The following ATRNL1 variants were observed in gnomAD, a reference collection of about 807,000 sequenced individuals.
ATRNL1 encodes the protein attractin like 1, also known as attractin-like protein 1.
In ATRNL1, 95 loss-of-function variants were observed where a neutral mutation model predicts 182.7. That is an observed-to-expected ratio of 0.52 (90% CI 0.44 to 0.62). The LOEUF is 0.62. Among genes scored for constraint, ATRNL1 ranks in the 20% least tolerant of loss-of-function variants. ATRNL1 has a pLI of 0.00. For missense variants in ATRNL1, 1,471 were observed against 1,679.5 expected, an observed-to-expected ratio of 0.88 and a Z score of 2.17; for synonymous variants, 576 against 568.3, an observed-to-expected ratio of 1.01 and a Z score of -0.19.
At chr10:115,187,131 G>A (rs2144203493) in intron 8 of ATRNL1, among the ~76,000 whole-genome samples, 1 of 151,614 alleles carries the variant, frequency 6.6e-6, no homozygotes, top group South Asian at 2.1e-4. Context: ...TATTGGTGAG[G>A]ATGTGGAAAA....
chr10:115,679,868 CT>C (rs1555044136), intron 26 of ATRNL1, among the ~76,000 whole-genome samples: 3 of 152,050 alleles, frequency 2.0e-5, no homozygotes, highest in Non-Finnish European at 4.4e-5. Context: ...ACTGACATTA[CT>C]TTTTGATTAA....
At chr10:115,177,875 T>G (rs1554887062) in intron 8 of ATRNL1, among the ~76,000 whole-genome samples, 3 of 147,190 alleles carry the variant, frequency 2.0e-5, no homozygotes, top group African/African-American at 5.0e-5. Context: ...GGAGCTGTGT[T>G]TTTTTTTTTT....
chr10:115,295,217 G>A (rs1346968133), intron 15 of ATRNL1, among the ~76,000 whole-genome samples: 1 of 152,114 alleles, frequency 6.6e-6, no homozygotes, highest in Non-Finnish European at 1.5e-5. Context: ...CTGCTTGGCT[G>A]TCCTGGGGGC....
At chr10:115,890,063 G>C (rs1476821984) in intron 28 of ATRNL1, among the ~76,000 whole-genome samples, 1 of 152,116 alleles carries the variant, frequency 6.6e-6, no homozygotes, top group Non-Finnish European at 1.5e-5. Flanking sequence ...ATATATGTTT[G>C]CACAGATAAG....
chr10:115,333,459 T>C (rs115508711), intron 18 of ATRNL1, among the ~76,000 whole-genome samples: 1,954 of 151,610 alleles, frequency 0.013, 38 homozygotes, highest in African/African-American at 0.044. Flanking sequence ...AGAAGATACA[T>C]ATTTATGCAA....
At chr10:115,698,385 G>A (rs781876334) in intron 26 of ATRNL1, among the ~76,000 whole-genome samples, 2 of 152,056 alleles carry the variant, frequency 1.3e-5, no homozygotes, top group African/African-American at 4.8e-5. Context: ...TAAGGACAGG[G>A]GAAATCATGA....
intron 26 of ATRNL1, among the ~76,000 whole-genome samples, chr10:115,705,883 TG>T (rs2134006166): frequency 6.6e-6 from 1 of 152,132 alleles, no homozygotes; most frequent in African/African-American, 2.4e-5. Flanking sequence ...AAAATTAGTT[TG>T]TGTGCTAATG....
intron 28 of ATRNL1, among the ~76,000 whole-genome samples, chr10:115,860,814 G>C (rs1300023475): frequency 6.6e-6 from 1 of 151,986 alleles, no homozygotes; most frequent in Non-Finnish European, 1.5e-5. Context: ...CTTTCTTCTT[G>C]TTCTCATCTC....
intron 24 of ATRNL1, among the ~76,000 whole-genome samples, chr10:115,509,570 C>G (rs985771373): frequency 6.6e-6 from 1 of 152,020 alleles, no homozygotes; most frequent in Non-Finnish European, 1.5e-5. Flanking sequence ...TCCGCCTTCA[C>G]CTTTCACCAT....
chr10:115,497,024 T>C (rs569016637), intron 24 of ATRNL1, among the ~76,000 whole-genome samples: 1 of 152,298 alleles, frequency 6.6e-6, no homozygotes, highest in South Asian at 2.1e-4. Context: ...TTTCTTTACA[T>C]AATCCCATAT....
intron 19 of ATRNL1, among the ~76,000 whole-genome samples, chr10:115,349,984 G>T (rs538223703): frequency 1.2e-3 from 175 of 152,062 alleles, no homozygotes; most frequent in Non-Finnish European, 2.3e-3. Flanking sequence ...TATTACTTTG[G>T]TTACATGTGA....
chr10:115,666,818 C>A (rs1861026799), intron 26 of ATRNL1, among the ~76,000 whole-genome samples: 1 of 152,018 alleles, frequency 6.6e-6, no homozygotes, highest in African/African-American at 2.4e-5. Flanking sequence ...TCTAGAATGA[C>A]CACCTACCCT....
intron 27 of ATRNL1, among the ~76,000 whole-genome samples, chr10:115,833,565 A>G (rs1177628948): frequency 6.6e-6 from 1 of 152,170 alleles, no homozygotes; most frequent in African/African-American, 2.4e-5. Context: ...TTAAATAATA[A>G]TCACTGACAT....
chr10:115,735,670 G>C (rs1283815622), intron 27 of ATRNL1, among the ~76,000 whole-genome samples: 1 of 152,138 alleles, frequency 6.6e-6, no homozygotes, highest in Non-Finnish European at 1.5e-5. Context: ...ATACTACAAA[G>C]CTGATGTGAT....
At chr10:115,596,931 A>G (rs187762797) in intron 26 of ATRNL1, among the ~76,000 whole-genome samples, 48 of 152,226 alleles carry the variant, frequency 3.2e-4, no homozygotes, top group Non-Finnish European at 6.3e-4. Flanking sequence ...TTGATTTATA[A>G]TGTTACATTT....
At chr10:115,678,706 A>G (rs1945947328) in intron 26 of ATRNL1, among the ~76,000 whole-genome samples, 1 of 152,106 alleles carries the variant, frequency 6.6e-6, no homozygotes, top group Non-Finnish European at 1.5e-5. Context: ...AAATGCTGTA[A>G]GTGCATGTAG....
chr10:115,723,547 T>G (rs1947499438), intron 26 of ATRNL1, among the ~76,000 whole-genome samples: 1 of 151,374 alleles, frequency 6.6e-6, no homozygotes, highest in Non-Finnish European at 1.5e-5. Context: ...TTTATTTATT[T>G]ATTTATTTAT....
At chr10:115,192,709 A>ATCCGTG (rs879947994) in intron 8 of ATRNL1, among the ~76,000 whole-genome samples, 1,786 of 151,748 alleles carry the variant, frequency 0.012, 33 homozygotes, top group African/African-American at 0.04. Flanking sequence ...TATTTTTCCA[A>ATCCGTG]ATCCGTTTTT....
intron 5 of ATRNL1, among the ~76,000 whole-genome samples, 155 bp from the exon 6 acceptor site, chr10:115,159,885 T>G (rs1846697396): frequency 6.6e-6 from 1 of 151,802 alleles, no homozygotes; most frequent in South Asian, 2.1e-4. Context: ...TTTCTGTGAG[T>G]ATTATTCTTG....
Sources: gnomAD v4.1 joint callset for allele counts (sites outside exome capture counted in the v4.1 genomes callset) on GRCh38, gnomAD v4.1.1 for gene constraint, MANE v1.5 for transcripts, NCBI Gene and HGNC (gene_info 2026-07-23, HGNC 2026-07-21) for gene names.